ZBBX: variants seen among roughly 807,000 people sequenced by gnomAD.
ZBBX encodes zinc finger B-box domain-containing protein 1.
A neutral mutation model predicts 108.5 loss-of-function variants in ZBBX; 101 were observed. The observed-to-expected ratio is 0.93, with a 90% CI of 0.79 to 1.10. The LOEUF (loss-of-function observed/expected upper bound fraction) is 1.10. ZBBX is among the 50% of genes least tolerant of loss of function. ZBBX has a pLI of 0.00. For synonymous variants in ZBBX, 356 were observed against 323.4 expected (o/e 1.10, Z -1.08); for missense variants, 1,009 against 941.4 (o/e 1.07, Z -0.94).
intron 21 of ZBBX, among the ~76,000 whole-genome samples, 171 bp downstream of exon 21, chr3:167,242,334 T>C (rs996826435): frequency 2.0e-5 from 3 of 152,204 alleles, no homozygotes; most frequent in African/African-American, 7.2e-5. Context: ...ATAAGCCTTT[T>C]ACTAAATCTC....
intron 20 of ZBBX, among the ~76,000 whole-genome samples, chr3:167,274,748 G>A (rs547990925): frequency 1.3e-5 from 2 of 152,086 alleles, no homozygotes; most frequent in African/African-American, 4.8e-5. Flanking sequence ...TGTACCTCAC[G>A]TCCCCCTCCT....
At chr3:167,303,588 C>T (rs1432365339) in intron 17 of ZBBX, among the ~76,000 whole-genome samples, 1 of 152,118 alleles carries the variant, frequency 6.6e-6, no homozygotes. Flanking sequence ...AACTAAATTA[C>T]CTGAATTTTT....
At chr3:167,320,954 T>C (rs1736341638) in intron 12 of ZBBX, among the ~76,000 whole-genome samples, 1 of 151,990 alleles carries the variant, frequency 6.6e-6, no homozygotes, top group South Asian at 2.1e-4. Context: ...AAATACAATG[T>C]GTAATCCTGG....
chr3:167,295,754 TATATAAAA>T (rs200633487), intron 18 of ZBBX, among the ~76,000 whole-genome samples: 5,226 of 14,350 alleles, frequency 0.36, 968 homozygotes, highest in Admixed American at 0.45. Flanking sequence ...TATATATATA[TATATAAAA>T]AAAACTAGTA....
rs772344980 is a variant in ZBBX, at chr3:167,273,020, A to G, written c.2254+9218T>C. Among the ~76,000 whole-genome samples the G allele has an allele frequency of 3.9e-4, 60 of 152,212 alleles. 1 individual carries two copies. Among genetic ancestry groups the G allele is most frequent in the Non-Finnish European group, 1.5e-4 (10 of 68,036 alleles). On this transcript the variant is annotated intron_variant, in intron 20 of 21. Coordinates refer to ENST00000675490, the MANE Select transcript of ZBBX (RefSeq NM_001199201.2). ...AAACCTACTTTAAGTCGCTTCTATA[A>G]CATAGGAGCCAACTTGGCTGCACAG...
At position 167,365,993 on chromosome 3, in the gene ZBBX, C is replaced by A; in HGVS notation, c.183-17G>T. The A allele has an allele frequency of 1.3e-6, 2 of 1,560,558 alleles. No individual in the cohort carries two copies. Among genetic ancestry groups the A allele is most frequent in the South Asian group, 1.2e-5 (1 of 86,752 alleles). On this transcript the variant is annotated splice_polypyrimidine_tract_variant and intron_variant, in intron 5 of 21. Transcript: ENST00000675490. Reference sequence around the variant, plus strand: ...TCGCTTGACCTTTAATATATATAAACAAGATAAAATGTAATCACTAAACAC... The same window carrying A: ...TCGCTTGACCTTTAATATATATAAAAAAGATAAAATGTAATCACTAAACAC...
chr3:167,232,363 G>A, the ZBBX span, among the ~76,000 whole-genome samples: 1 of 151,810 alleles, frequency 6.6e-6, no homozygotes, highest in African/African-American at 2.4e-5. Context: ...CAGATAAATG[G>A]CTCGTTTTCA....
the ZBBX span, among the ~76,000 whole-genome samples, chr3:167,186,808 T>C: frequency 3.3e-5 from 5 of 152,162 alleles, no homozygotes; most frequent in Non-Finnish European, 1.5e-5. Context: ...GATAGAGGAA[T>C]GAAGTCACAT....
the ZBBX span, among the ~76,000 whole-genome samples, chr3:167,189,248 A>G: frequency 1.3e-5 from 2 of 152,144 alleles, no homozygotes; most frequent in Non-Finnish European, 2.9e-5. Context: ...GCCTTCAGAT[A>G]TTGGAGGAGA....
At chr3:167,261,475 G>A (rs1177598035) in intron 20 of ZBBX, among the ~76,000 whole-genome samples, 3 of 151,956 alleles carry the variant, frequency 2.0e-5, no homozygotes, top group Non-Finnish European at 4.4e-5. Context: ...GCGTGTCTGA[G>A]CTCAGACTGT....
chr3:167,341,801 A>G (rs1348542953), intron 9 of ZBBX, among the ~76,000 whole-genome samples: 1 of 151,966 alleles, frequency 6.6e-6, no homozygotes, highest in Non-Finnish European at 1.5e-5. Flanking sequence ...AAGAAATTGT[A>G]TATGCAATGA....
chr3:167,398,923 C>A (rs1748332441), intron 1 of ZBBX, among the ~76,000 whole-genome samples: 1 of 151,792 alleles, frequency 6.6e-6, no homozygotes, highest in African/African-American at 2.4e-5. Flanking sequence ...TAATGAAATA[C>A]TGGATTAATG....
At chr3:167,198,828 C>T in the ZBBX span, among the ~76,000 whole-genome samples, 28 of 152,274 alleles carry the variant, frequency 1.8e-4, no homozygotes, top group African/African-American at 6.0e-4. Flanking sequence ...TTATCTTTGT[C>T]ACACAGGATT....
chr3:167,260,228 T>C (rs1724240272), intron 20 of ZBBX, among the ~76,000 whole-genome samples: 2 of 152,204 alleles, frequency 1.3e-5, no homozygotes, highest in South Asian at 4.1e-4. Flanking sequence ...TTTTCCTTTA[T>C]AGGTTACCTG....
At chr3:167,382,319 T>C (rs1231104212), upstream of ZBBX, among the ~76,000 whole-genome samples, 2 of 152,124 alleles carry the variant, frequency 1.3e-5, no homozygotes, top group African/African-American at 2.4e-5. Context: ...CAAAATGAAA[T>C]GAAACATGTC....
chr3:167,294,954 C>T (rs1182226800), intron 18 of ZBBX, among the ~76,000 whole-genome samples: 2 of 152,194 alleles, frequency 1.3e-5, no homozygotes, highest in African/African-American at 4.8e-5. Flanking sequence ...CTCATCATCA[C>T]TGGTCATTAG....
intron 6 of ZBBX, among the ~76,000 whole-genome samples, chr3:167,362,230 A>G (rs1744639713): frequency 6.6e-6 from 1 of 152,136 alleles, no homozygotes; most frequent in South Asian, 2.1e-4. Flanking sequence ...ATATGTTTGT[A>G]TATACAAATG....
At chr3:167,245,814 A>C (rs1721474534) in intron 20 of ZBBX, among the ~76,000 whole-genome samples, 1 of 151,374 alleles carries the variant, frequency 6.6e-6, no homozygotes, top group Non-Finnish European at 1.5e-5. Context: ...GAGCCAATTA[A>C]ACTTCTTTTT....
chr3:167,220,822 G>C, the ZBBX span, among the ~76,000 whole-genome samples: 1 of 151,646 alleles, frequency 6.6e-6, no homozygotes, highest in African/African-American at 2.4e-5. Flanking sequence ...TCTTAAATTT[G>C]GAAAAGTCTA....
Sources: allele counts gnomAD v4.1 joint callset (sites outside exome capture counted in the v4.1 genomes callset), GRCh38; gene constraint gnomAD v4.1.1; transcripts MANE v1.5; gene names NCBI Gene and HGNC (gene_info 2026-07-23, HGNC 2026-07-21).